The following QTMAN variants were observed in gnomAD, a reference collection of about 807,000 sequenced individuals.
QTMAN encodes tRNA-queuosine alpha-mannosyltransferase.
chr2:144,074,241 C>T, the QTMAN span, among the ~76,000 whole-genome samples: 5 of 152,198 alleles, frequency 3.3e-5, no homozygotes, highest in East Asian at 1.9e-4. Context: ...GGGGTCACAC[C>T]TATTTTTAAT....
chr2:144,165,825 C>T, the QTMAN span, among the ~76,000 whole-genome samples: 1 of 152,180 alleles, frequency 6.6e-6, no homozygotes, highest in Non-Finnish European at 1.5e-5. Context: ...ATTAATGAAT[C>T]CTGTGCACTT....
At chr2:144,153,569 T>C in the QTMAN span, among the ~76,000 whole-genome samples, 504 of 152,208 alleles carry the variant, frequency 3.3e-3, 1 homozygote, top group African/African-American at 0.01. Flanking sequence ...CAGGTGCCTG[T>C]AGTCCCAGTT....
At chr2:144,231,655 G>A in the QTMAN span, among the ~76,000 whole-genome samples, 3 of 152,036 alleles carry the variant, frequency 2.0e-5, no homozygotes, top group Non-Finnish European at 2.9e-5. Flanking sequence ...ATGCCTCTGT[G>A]TGTAGTTAGA....
At chr2:143,991,465 C>T in the QTMAN span, among the ~76,000 whole-genome samples, 7 of 137,720 alleles carry the variant, frequency 5.1e-5, no homozygotes, top group East Asian at 6.9e-4. Flanking sequence ...GCCAGCCGCC[C>T]CGTCCGGGAG....
the QTMAN span, among the ~76,000 whole-genome samples, chr2:143,948,006 A>G: frequency 1.3e-5 from 2 of 152,144 alleles, no homozygotes; most frequent in Admixed American, 6.5e-5. Flanking sequence ...AGCTTTTAGA[A>G]GTTCTTAGAA....
chr2:143,944,227 G>A, the QTMAN span: 5 of 150,250 alleles, frequency 3.3e-5, no homozygotes, highest in African/African-American at 1.2e-4. Context: ...TGAGAAGCAT[G>A]AATGTGCGTG....
chr2:144,036,161 A>G, the QTMAN span, among the ~76,000 whole-genome samples: 1 of 152,210 alleles, frequency 6.6e-6, no homozygotes, highest in Non-Finnish European at 1.5e-5. Flanking sequence ...AATGTTTCCT[A>G]AAACCTTCCA....
At chr2:144,061,414 T>C in the QTMAN span, among the ~76,000 whole-genome samples, 2 of 152,192 alleles carry the variant, frequency 1.3e-5, no homozygotes, top group Non-Finnish European at 2.9e-5. Flanking sequence ...TTAGATAGCA[T>C]GGAAAATAAG....
the QTMAN span, among the ~76,000 whole-genome samples, chr2:144,022,843 T>A: frequency 6.6e-6 from 1 of 152,194 alleles, no homozygotes; most frequent in Non-Finnish European, 1.5e-5. Context: ...ATTACAGGCA[T>A]GAGAATGTAA....
chr2:144,001,963 T>A, the QTMAN span, among the ~76,000 whole-genome samples: 1 of 151,956 alleles, frequency 6.6e-6, no homozygotes, highest in African/African-American at 2.4e-5. Context: ...GTAGTCTGAA[T>A]TCCTGGGTGT....
the QTMAN span, chr2:143,957,227 T>A: frequency 6.2e-7 from 1 of 1,604,196 alleles, no homozygotes; most frequent in Non-Finnish European, 8.5e-7. Flanking sequence ...GCTTAGCTGT[T>A]GAGATGACAA....
At chr2:144,277,737 T>C in the QTMAN span, among the ~76,000 whole-genome samples, 1 of 152,142 alleles carries the variant, frequency 6.6e-6, no homozygotes, top group African/African-American at 2.4e-5. Context: ...GAAACTATCA[T>C]CTATTTTAAG....
the QTMAN span, among the ~76,000 whole-genome samples, chr2:144,280,775 C>G: frequency 3.3e-5 from 5 of 151,778 alleles, no homozygotes; most frequent in African/African-American, 1.2e-4. Flanking sequence ...AAAACATGAA[C>G]ATGTAATCCA....
the QTMAN span, among the ~76,000 whole-genome samples, chr2:144,116,632 C>G: frequency 6.6e-6 from 1 of 152,132 alleles, no homozygotes; most frequent in South Asian, 2.1e-4. Context: ...AGCTGTTCCA[C>G]TCAACCTGAG....
At chr2:144,221,024 T>C in the QTMAN span, among the ~76,000 whole-genome samples, 2 of 152,210 alleles carry the variant, frequency 1.3e-5, no homozygotes, top group African/African-American at 2.4e-5. Flanking sequence ...CCAGGAGTAC[T>C]TGTATGTTAC....
chr2:143,956,219 T>C, the QTMAN span, among the ~76,000 whole-genome samples: 1 of 152,342 alleles, frequency 6.6e-6, no homozygotes, highest in East Asian at 1.9e-4. Context: ...AGAAATTATC[T>C]TGAATAGTTT....
At chr2:144,287,549 A>C in the QTMAN span, among the ~76,000 whole-genome samples, 5 of 152,192 alleles carry the variant, frequency 3.3e-5, no homozygotes, top group East Asian at 9.7e-4. Context: ...AGATTAGAGG[A>C]AAAAAACACT....
chr2:144,120,136 G>A, the QTMAN span, among the ~76,000 whole-genome samples: 1 of 152,148 alleles, frequency 6.6e-6, no homozygotes, highest in Non-Finnish European at 1.5e-5. Context: ...TATTGGGAAT[G>A]CAATTCCAAT....
chr2:143,988,638 C>T, the QTMAN span, among the ~76,000 whole-genome samples: 3 of 152,150 alleles, frequency 2.0e-5, no homozygotes, highest in African/African-American at 7.2e-5. Context: ...GAAACTAAAG[C>T]TTAGTGAGGG....
Sources: gnomAD v4.1 joint callset for allele counts (sites outside exome capture counted in the v4.1 genomes callset) on GRCh38, gnomAD v4.1.1 for gene constraint, MANE v1.5 for transcripts, NCBI Gene and HGNC (gene_info 2026-07-23, HGNC 2026-07-21) for gene names.